CELF2: variants seen among roughly 807,000 people sequenced by gnomAD.
The protein encoded by CELF2 is CUG triplet repeat RNA-binding protein 2.
A neutral mutation model predicts 62.6 loss-of-function variants in CELF2; 8 were observed. The ratio of observed to expected loss-of-function variants is 0.13; its 90% confidence interval spans 0.07 to 0.23. The LOEUF is 0.23. Among genes scored for constraint, CELF2 ranks in the 10% least tolerant of loss-of-function variants. CELF2 has a pLI of 1.00. For missense variants in CELF2, 333 were observed against 671.0 expected (o/e 0.50, Z 5.56); for synonymous variants, 258 against 250.0 (o/e 1.03, Z -0.30).
At chr10:11,253,608 A>G (rs2077776346) in intron 4 of CELF2, among the ~76,000 whole-genome samples, 1 of 152,244 alleles carries the variant, frequency 6.6e-6, no homozygotes, top group African/African-American at 2.4e-5. Context: ...TCCAGGTGTG[A>G]CTTTGACAGA....
At chr10:10,994,639 G>A (rs2053763453) in intron 2 of CELF2, among the ~76,000 whole-genome samples, 2 of 152,196 alleles carry the variant, frequency 1.3e-5, no homozygotes, top group South Asian at 2.1e-4. Flanking sequence ...GCACATGCAA[G>A]GGATCTAGGT....
the CELF2 span, among the ~76,000 whole-genome samples, chr10:10,524,453 T>C: frequency 6.6e-6 from 1 of 150,818 alleles, no homozygotes; most frequent in African/African-American, 2.4e-5. Context: ...AAGCATGCAG[T>C]CATTGTTAAC....
chr10:10,641,664 G>C, the CELF2 span, among the ~76,000 whole-genome samples: 546 of 152,168 alleles, frequency 3.6e-3, 2 homozygotes, highest in African/African-American at 0.012. Flanking sequence ...GGCCAGGCTG[G>C]TCTCACACTC....
At chr10:10,637,491 C>T in the CELF2 span, among the ~76,000 whole-genome samples, 1 of 152,162 alleles carries the variant, frequency 6.6e-6, no homozygotes, top group African/African-American at 2.4e-5. Flanking sequence ...AAACTTTTCA[C>T]GTCAGCCCTG....
intron 8 of CELF2, among the ~76,000 whole-genome samples, chr10:11,284,334 A>G (rs868101630): frequency 3.9e-4 from 50 of 129,016 alleles, no homozygotes; most frequent in Non-Finnish European, 6.3e-4. Context: ...TGGGTGGATG[A>G]TGGATGAGTG....
the CELF2 span, among the ~76,000 whole-genome samples, chr10:10,764,993 G>A: frequency 6.6e-6 from 1 of 152,176 alleles, no homozygotes; most frequent in Non-Finnish European, 1.5e-5. Context: ...GCGGGATTAA[G>A]GGAAAACAGG....
At chr10:11,271,841 G>C (rs986163358) in intron 7 of CELF2, among the ~76,000 whole-genome samples, 4 of 152,076 alleles carry the variant, frequency 2.6e-5, no homozygotes, top group African/African-American at 9.7e-5. Flanking sequence ...TTGTGCTTTT[G>C]TGTCAAATGA....
At chr10:10,861,297 C>G (rs956632984) in intron 1 of CELF2, among the ~76,000 whole-genome samples, 1 of 152,112 alleles carries the variant, frequency 6.6e-6, no homozygotes, top group Admixed American at 6.5e-5. Flanking sequence ...TTGTCTCAAA[C>G]TCCTGGGCTC....
At chr10:10,989,260 G>T (rs554240476) in intron 2 of CELF2, among the ~76,000 whole-genome samples, 1 of 152,104 alleles carries the variant, frequency 6.6e-6, no homozygotes, top group Admixed American at 6.5e-5. Context: ...TGAATTTATT[G>T]TAAATCTCAG....
At chr10:11,169,698 G>A (rs1357803547) in intron 2 of CELF2, among the ~76,000 whole-genome samples, 1 of 152,202 alleles carries the variant, frequency 6.6e-6, no homozygotes, top group Non-Finnish European at 1.5e-5. Flanking sequence ...GCAACAAGAG[G>A]CTCAGAGGCT....
chr10:10,948,752 G>T lies in CELF2; in HGVS notation c.89+28753G>T, dbSNP rs140219251. ...CCTATCCATATCCCTAAGACAGGCA[G>T]ACCCTCTTGCACGGTGGCTATCATG... On this transcript the variant is annotated intron_variant, in intron 2 of 13. Coordinates refer to the CELF2 transcript ENST00000636488. 5.0e-3 allele frequency among the ~76,000 whole-genome samples: 755 copies of T among 152,212 alleles called. 8 individuals carry two copies. The highest frequency in any genetic ancestry group is 0.017 in the African/African-American group (717 of 41,522).
the CELF2 span, among the ~76,000 whole-genome samples, chr10:10,736,190 G>A: frequency 6.6e-6 from 1 of 152,254 alleles, no homozygotes; most frequent in African/African-American, 2.4e-5. Context: ...AGCTTGGTCC[G>A]ATATATTCTC....
At position 10,900,593 on chromosome 10, in the gene CELF2, T is replaced by C. The variant is rs2062866380; in HGVS notation, c.54-19371T>C. Among the ~76,000 whole-genome samples the C allele has an allele frequency of 2.0e-5, 3 of 152,136 alleles. No individual in the cohort carries two copies. The South Asian group carries it at 6.2e-4, about 32-fold the overall frequency. The stretch of plus-strand genomic sequence containing the variant: ...ACTTCCTTAATCTAGTAGCAGAAAA[T>C]TCCCTCCTGCTATAGCATTTAATAA... On this transcript the variant is annotated intron_variant, in intron 1 of 13. Coordinates refer to the CELF2 transcript ENST00000636488.
Position 11,267,272 on chromosome 10 carries a change from TA to T in CELF2, c.618+597del, listed in dbSNP as rs1395649369. 2.0e-5 allele frequency among the ~76,000 whole-genome samples: 3 copies of T among 152,170 alleles called. No individual in the cohort carries two copies. Among genetic ancestry groups the T allele is most frequent in the Non-Finnish European group, 4.4e-5 (3 of 68,016 alleles). On this transcript the variant is annotated intron_variant, in intron 6 of 12. Coordinates refer to ENST00000633077, the MANE Select transcript of CELF2 (RefSeq NM_001326342.2). The surrounding 1 kb of genome is among the most constrained non-coding windows in gnomAD (Gnocchi z 4.4). ...AAAGATGAGCAATAACAAAGAAACATAATAAAGGCTCAAATGTGGTCTCCTA... is the reference window on the plus strand; with the variant it reads ...AAAGATGAGCAATAACAAAGAAACATATAAAGGCTCAAATGTGGTCTCCTA...
rs147145369 is a variant in CELF2, at chr10:11,326,070, A to G, written c.1438+91A>G. Reference sequence around the variant, plus strand: ...AATGTGAGACAGTTTCAGCCAGGATAGGGCCTTCCCCACATTGTGTTGGGC... The same window carrying G: ...AATGTGAGACAGTTTCAGCCAGGATGGGGCCTTCCCCACATTGTGTTGGGC... On this transcript the variant is annotated intron_variant, in intron 12 of 12. Coordinates refer to ENST00000633077, the MANE Select transcript of CELF2 (RefSeq NM_001326342.2). The G allele has an allele frequency of 5.5e-4, 713 of 1,290,656 alleles. 5 individuals are homozygous for G. The African/African-American group carries it at 9.5e-3, about 17-fold the overall frequency. The allele number at this position is 1,290,656 out of a possible 1,614,324, so 80.0% of individuals were successfully genotyped here. A position where few individuals can be genotyped will look rare whatever the true frequency, so the allele number is the denominator to read the frequency against.
At position 11,099,887 on chromosome 10, in the gene CELF2, A is replaced by AAC. The variant is rs1564736206; in HGVS notation, c.75-65598_75-65597insCA. Among the ~76,000 whole-genome samples the AAC allele has an allele frequency of 1.6e-3, 162 of 103,880 alleles. 1 individual carries two copies. Among genetic ancestry groups the AAC allele is most frequent in the Middle Eastern group, 4.4e-3 (1 of 228 alleles). 68.1% of individuals were successfully genotyped at this position (103,880 alleles called of 152,430 possible). A position where few individuals can be genotyped will look rare whatever the true frequency, so the allele number is the denominator to read the frequency against. ...TACATTAAAACAACAACAACAACAA[A>AAC]AAAAAAAAAAAAAAACAGAAAAAAC... is the stretch of plus-strand genomic sequence containing the variant. On this transcript the variant is annotated intron_variant, in intron 1 of 12. Transcript: ENST00000633077.
chr10:10,843,327 T>C (rs1242602346), intron 1 of CELF2, among the ~76,000 whole-genome samples: 1 of 152,094 alleles, frequency 6.6e-6, no homozygotes, highest in Non-Finnish European at 1.5e-5. Context: ...ATTTCTTTTC[T>C]TCTACATGTA....
At chr10:10,577,368 TTATTA>T in the CELF2 span, among the ~76,000 whole-genome samples, 4,009 of 145,312 alleles carry the variant, frequency 0.028, 176 homozygotes, top group African/African-American at 0.094. Context: ...AATCTTTTTA[TTATTA>T]TTATTATTAT....
At chr10:10,753,329 G>C in the CELF2 span, among the ~76,000 whole-genome samples, 74 of 148,406 alleles carry the variant, frequency 5.0e-4, no homozygotes, top group African/African-American at 1.7e-3. Context: ...GTGTGTGTGT[G>C]TTAAGATCAA....
Sources: allele counts gnomAD v4.1 joint callset (sites outside exome capture counted in the v4.1 genomes callset), GRCh38; gene constraint gnomAD v4.1.1; non-coding constraint Gnocchi (gnomAD v3.1); transcripts MANE v1.5; gene names NCBI Gene and HGNC (gene_info 2026-07-23, HGNC 2026-07-21).